The following TMEM131 variants were observed in gnomAD, a reference collection of about 807,000 sequenced individuals.
TMEM131 encodes the protein transmembrane protein 131.
Under a neutral mutation model 211.6 loss-of-function variants are expected in TMEM131, and 66 were observed. The observed-to-expected ratio is 0.31, with a 90% CI of 0.26 to 0.38. The LOEUF (loss-of-function observed/expected upper bound fraction) is 0.38. TMEM131 is among the 10% of genes least tolerant of loss of function. The pLI is 1.00. For synonymous variants in TMEM131, 844 were observed against 841.3 expected (o/e 1.00, Z -0.06); for missense variants, 2,036 against 2,299.3 (o/e 0.89, Z 2.34).
intron 5 of TMEM131, among the ~76,000 whole-genome samples, chr2:97,851,991 C>T (rs1673643702): frequency 6.6e-6 from 1 of 152,088 alleles, no homozygotes; most frequent in Admixed American, 6.6e-5. Flanking sequence ...CAAAGCTAGG[C>T]CTTTAGTGCC....
chr2:97,842,395 A>G (rs1422332599), intron 6 of TMEM131, among the ~76,000 whole-genome samples: 3 of 152,232 alleles, frequency 2.0e-5, no homozygotes, highest in African/African-American at 4.8e-5. Context: ...TTAAGTGTCT[A>G]TGAGGTGCTA....
intron 1 of TMEM131, among the ~76,000 whole-genome samples, chr2:97,994,493 T>C (rs1680403004): frequency 6.6e-6 from 1 of 152,242 alleles, no homozygotes; most frequent in Non-Finnish European, 1.5e-5. Context: ...CAAGTGACTT[T>C]AGTCATAAAG....
chr2:97,848,159 A>C (rs1193430226), intron 5 of TMEM131, among the ~76,000 whole-genome samples: 1 of 152,218 alleles, frequency 6.6e-6, no homozygotes, highest in African/African-American at 2.4e-5. Context: ...CACACATACA[A>C]GGTCAACTGA....
At chr2:97,968,953 C>T (rs1416603730) in intron 1 of TMEM131, among the ~76,000 whole-genome samples, 2 of 151,698 alleles carry the variant, frequency 1.3e-5, no homozygotes, top group East Asian at 1.9e-4. Flanking sequence ...GGCCTGGAGG[C>T]GCACCTCTAG....
chr2:97,846,712 G>A (rs1220907108), intron 5 of TMEM131, among the ~76,000 whole-genome samples: 1 of 152,012 alleles, frequency 6.6e-6, no homozygotes, highest in Non-Finnish European at 1.5e-5. Flanking sequence ...TGTATTTTAT[G>A]TGTGGCCCAA....
intron 1 of TMEM131, among the ~76,000 whole-genome samples, chr2:97,940,854 C>T (rs971170739): frequency 1.3e-5 from 2 of 151,776 alleles, no homozygotes; most frequent in Non-Finnish European, 1.5e-5. Flanking sequence ...ACATTCCATG[C>T]TCATGGATAG....
chr2:97,760,307 A>G (rs894286524), intron 38 of TMEM131: 1 of 463,816 alleles, frequency 2.2e-6, no homozygotes, highest in Non-Finnish European at 3.9e-6. Flanking sequence ...CTTACCACAG[A>G]CCAGGAGATG....
At chr2:97,782,169 C>T (rs548293390) in intron 31 of TMEM131, among the ~76,000 whole-genome samples, 1 of 152,350 alleles carries the variant, frequency 6.6e-6, no homozygotes, top group South Asian at 2.1e-4. Context: ...GCCGAGTGGA[C>T]AGTCAGGACT....
intron 1 of TMEM131, among the ~76,000 whole-genome samples, chr2:97,944,359 T>C (rs934735929): frequency 7.2e-5 from 11 of 152,162 alleles, no homozygotes; most frequent in Non-Finnish European, 1.2e-4. Context: ...GTGTAAGAGA[T>C]AAAGCTATAA....
At chr2:97,877,259 T>C (rs1674736235) in intron 4 of TMEM131, among the ~76,000 whole-genome samples, 1 of 152,094 alleles carries the variant, frequency 6.6e-6, no homozygotes, top group Non-Finnish European at 1.5e-5. Context: ...AGAATCAATA[T>C]CATGAAAATG....
At chr2:97,872,544 T>A (rs975738323) in intron 4 of TMEM131, among the ~76,000 whole-genome samples, 1 of 151,874 alleles carries the variant, frequency 6.6e-6, no homozygotes, top group Non-Finnish European at 1.5e-5. Context: ...GGCGGGTGAC[T>A]TCTACATTTC....
In TMEM131 at chr2:97,808,695, G is replaced by A. The variant is rs76888342; in HGVS notation, c.2055+993C>T. 3.5e-4 allele frequency among the ~76,000 whole-genome samples: 54 copies of A among 152,276 alleles called. No individual in the cohort carries two copies. The East Asian group carries it at 9.6e-3, about 27-fold the overall frequency. ...ACGATCTCTCATCCGTTTCCTAGAG[G>A]ATCTCAGACTCTCACTGGGGAGGCC... On this transcript the variant is annotated intron_variant, in intron 19 of 40. Coordinates refer to ENST00000186436, the MANE Select transcript of TMEM131 (RefSeq NM_015348.2).
At chr2:97,869,834 G>T (rs767231533) in intron 4 of TMEM131, among the ~76,000 whole-genome samples, 32 of 152,140 alleles carry the variant, frequency 2.1e-4, no homozygotes, top group Non-Finnish European at 4.1e-4. Flanking sequence ...AAACTTTGAG[G>T]CTTAAAGCAA....
At chr2:97,847,077 G>GGGGGGGC in intron 5 of TMEM131, among the ~76,000 whole-genome samples, 1 of 111,740 alleles carries the variant, frequency 8.9e-6, no homozygotes, top group African/African-American at 2.8e-5. Context: ...TACTGGGGGG[G>GGGGGGGC]GGGGGGGGGG....
chr2:97,760,472 G>T lies in TMEM131; in HGVS notation c.5108+121C>A, dbSNP rs1263784304. Reference sequence around the variant, plus strand: ...TTCTTAGAGGCACTTGACCACTTCTGACAAATGCCTCCTTGTAAATTAGGG... The same window carrying T: ...TTCTTAGAGGCACTTGACCACTTCTTACAAATGCCTCCTTGTAAATTAGGG... On this transcript the variant is annotated intron_variant, in intron 38 of 40. Transcript: ENST00000186436. 1.6e-5 allele frequency: 16 copies of T among 978,316 alleles called. No homozygotes were observed. In the South Asian group the frequency reaches 2.1e-4, roughly 13 times the overall value. 60.6% of individuals were successfully genotyped at this position (978,316 alleles called of 1,614,324 possible). A position where few individuals can be genotyped will look rare whatever the true frequency, so the allele number is the denominator to read the frequency against.
At chr2:97,967,807 G>A (rs1015531919) in intron 1 of TMEM131, among the ~76,000 whole-genome samples, 1 of 152,040 alleles carries the variant, frequency 6.6e-6, no homozygotes, top group Non-Finnish European at 1.5e-5. Flanking sequence ...GTAAGCACTA[G>A]AGCCTCGATG....
At chr2:97,985,450 G>A (rs1369699634) in intron 1 of TMEM131, among the ~76,000 whole-genome samples, 4 of 151,746 alleles carry the variant, frequency 2.6e-5, no homozygotes, top group Non-Finnish European at 2.9e-5. Flanking sequence ...TTTATCTAAC[G>A]TTTTAATGTA....
intron 3 of TMEM131, among the ~76,000 whole-genome samples, chr2:97,893,068 C>T (rs939717621): frequency 1.3e-5 from 2 of 151,318 alleles, no homozygotes; most frequent in Non-Finnish European, 3.0e-5. Flanking sequence ...CCCCGACAGG[C>T]GTGTGATGTT....
chr2:97,911,503 A>G (rs1286767602), intron 2 of TMEM131: 7 of 289,132 alleles, frequency 2.4e-5, no homozygotes, highest in Non-Finnish European at 3.6e-5. Flanking sequence ...ATGGTCTCAC[A>G]TGAAGTCTAC....
Sources: gnomAD v4.1 joint callset for allele counts (sites outside exome capture counted in the v4.1 genomes callset) on GRCh38, gnomAD v4.1.1 for gene constraint, MANE v1.5 for transcripts, NCBI Gene and HGNC (gene_info 2026-07-23, HGNC 2026-07-21) for gene names.